The following KIAA1328 variants were observed in gnomAD, a reference collection of about 807,000 sequenced individuals.
KIAA1328 encodes KIAA1328, also known as protein hinderin.
Under a neutral mutation model 68.1 loss-of-function variants are expected in KIAA1328, and 52 were observed. That is an observed-to-expected ratio of 0.76 (90% CI 0.61 to 0.96). KIAA1328 has a LOEUF of 0.96. Ranked by LOEUF, KIAA1328 falls within the 40% of genes least tolerant of loss-of-function variation. The pLI is 0.00. For synonymous variants in KIAA1328, 232 were observed against 239.4 expected, an observed-to-expected ratio of 0.97 and a Z score of 0.28; for missense variants, 641 against 677.6, an observed-to-expected ratio of 0.95 and a Z score of 0.60.
At chr18:37,108,647 T>C (rs1277691374) in intron 7 of KIAA1328, among the ~76,000 whole-genome samples, 1 of 152,222 alleles carries the variant, frequency 6.6e-6, no homozygotes, top group African/African-American at 2.4e-5. Context: ...ACCAGTCTGG[T>C]ACCTGTTCTC....
At chr18:37,001,026 T>C (rs1380506104) in intron 6 of KIAA1328, among the ~76,000 whole-genome samples, 1 of 151,780 alleles carries the variant, frequency 6.6e-6, no homozygotes, top group East Asian at 1.9e-4. Flanking sequence ...ACAGAAAAGA[T>C]ATAATAGACA....
At chr18:37,080,847 G>A (rs1228556379) in intron 7 of KIAA1328, among the ~76,000 whole-genome samples, 3 of 151,604 alleles carry the variant, frequency 2.0e-5, no homozygotes, top group African/African-American at 7.3e-5. Flanking sequence ...CCCAGTCGTA[G>A]TTCTGCCATT....
At chr18:37,099,786 T>C (rs1050888168) in intron 7 of KIAA1328, among the ~76,000 whole-genome samples, 1 of 152,232 alleles carries the variant, frequency 6.6e-6, no homozygotes, top group Admixed American at 6.5e-5. Context: ...ATATTTAGGA[T>C]GGTTGGCTCT....
At chr18:36,972,550 T>C (rs1333764172) in intron 6 of KIAA1328, among the ~76,000 whole-genome samples, 2 of 152,222 alleles carry the variant, frequency 1.3e-5, no homozygotes, top group East Asian at 1.9e-4. Flanking sequence ...ATTGTTAATG[T>C]AAGTTCCAAA....
intron 5 of KIAA1328, among the ~76,000 whole-genome samples, chr18:36,926,049 T>C (rs1048949001): frequency 6.6e-6 from 1 of 152,088 alleles, no homozygotes; most frequent in Non-Finnish European, 1.5e-5. Context: ...TTTGTAACTT[T>C]TGAGTGCAGG....
intron 6 of KIAA1328, among the ~76,000 whole-genome samples, chr18:37,064,250 G>T (rs2056261424): frequency 1.3e-5 from 2 of 152,056 alleles, no homozygotes; most frequent in Non-Finnish European, 2.9e-5. Context: ...AAATCCTTTA[G>T]CATTACTACA....
chr18:37,193,207 A>G (rs1263699425), intron 9 of KIAA1328, among the ~76,000 whole-genome samples: 1 of 152,198 alleles, frequency 6.6e-6, no homozygotes, highest in Non-Finnish European at 1.5e-5. Flanking sequence ...ACTTGGGACT[A>G]ACAGCCGGGG....
intron 7 of KIAA1328, among the ~76,000 whole-genome samples, chr18:37,127,877 A>G (rs2058430787): frequency 6.6e-6 from 1 of 152,252 alleles, no homozygotes; most frequent in African/African-American, 2.4e-5. Context: ...ATAGATCAGT[A>G]GAGCAGAATG....
intron 6 of KIAA1328, among the ~76,000 whole-genome samples, chr18:37,033,506 A>G (rs2054912187): frequency 6.6e-6 from 1 of 152,196 alleles, no homozygotes; most frequent in Non-Finnish European, 1.5e-5. Context: ...CTGGTTTCTC[A>G]GTAAGATCGA....
intron 6 of KIAA1328, among the ~76,000 whole-genome samples, chr18:36,977,509 G>A (rs915015089): frequency 2.0e-5 from 3 of 152,096 alleles, no homozygotes; most frequent in African/African-American, 7.2e-5. Flanking sequence ...GCTGTTTCCC[G>A]ATACTCTTAC....
intron 3 of KIAA1328, among the ~76,000 whole-genome samples, chr18:36,843,379 T>A (rs576939103): frequency 6.6e-6 from 1 of 152,218 alleles, no homozygotes; most frequent in East Asian, 1.9e-4. Context: ...TTGGACTAAC[T>A]TAACTTTGGT....
intron 7 of KIAA1328, among the ~76,000 whole-genome samples, chr18:37,112,214 G>T (rs1344527317): frequency 6.6e-6 from 1 of 152,322 alleles, no homozygotes; most frequent in African/African-American, 2.4e-5. Flanking sequence ...AGAATGGACA[G>T]ACTGCCTCCT....
At chr18:36,966,670 A>G (rs1324045080) in intron 6 of KIAA1328, among the ~76,000 whole-genome samples, 1 of 152,232 alleles carries the variant, frequency 6.6e-6, no homozygotes, top group African/African-American at 2.4e-5. Context: ...TAAAAAATCA[A>G]TTTTATTTCT....
At chr18:36,987,812 C>T (rs1005827091) in intron 6 of KIAA1328, among the ~76,000 whole-genome samples, 1 of 151,698 alleles carries the variant, frequency 6.6e-6, no homozygotes, top group Admixed American at 6.6e-5. Context: ...TCAGTCATAT[C>T]TCAGTAATGC....
intron 5 of KIAA1328, among the ~76,000 whole-genome samples, chr18:36,912,066 C>A (rs1598685269): frequency 6.6e-6 from 1 of 152,234 alleles, no homozygotes; most frequent in Non-Finnish European, 1.5e-5. Context: ...CCTTGAAACA[C>A]CCTTTTCCCC....
chr18:37,035,970 C>T (rs1295294491), intron 6 of KIAA1328, among the ~76,000 whole-genome samples: 2 of 152,272 alleles, frequency 1.3e-5, no homozygotes, highest in Admixed American at 6.5e-5. Flanking sequence ...GCCACCTAAG[C>T]TTTCTCTCCT....
intron 9 of KIAA1328, among the ~76,000 whole-genome samples, chr18:37,177,919 C>A (rs1051856826): frequency 2.6e-5 from 4 of 152,060 alleles, no homozygotes; most frequent in Non-Finnish European, 4.4e-5. Flanking sequence ...ATGATCAAAT[C>A]AGAGAATCTA....
chr18:37,084,476 GTTTTTTT>G, intron 7 of KIAA1328: 1 of 129,332 alleles, frequency 7.7e-6, no homozygotes, highest in East Asian at 1.9e-4. Context: ...TTTGTTTTTT[GTTTTTTT>G]TTTTTTTTTG....
chr18:37,114,048 A>G (rs1161568212), intron 7 of KIAA1328, among the ~76,000 whole-genome samples: 3 of 152,220 alleles, frequency 2.0e-5, no homozygotes, highest in Non-Finnish European at 2.9e-5. Context: ...AGACTCCCAC[A>G]CAATAATAAT....
Sources: gnomAD v4.1 joint callset for allele counts (sites outside exome capture counted in the v4.1 genomes callset) on GRCh38, gnomAD v4.1.1 for gene constraint, MANE v1.5 for transcripts, NCBI Gene and HGNC (gene_info 2026-07-23, HGNC 2026-07-21) for gene names.